The following SEMA3D variants were observed in gnomAD, a reference collection of about 807,000 sequenced individuals.
SEMA3D encodes semaphorin 3D, also known as semaphorin-3D.
SEMA3D carries 84 observed loss-of-function variants against 100.1 expected under a neutral mutation model. The observed-to-expected ratio is 0.84, with a 90% CI of 0.70 to 1.01. SEMA3D has a LOEUF of 1.01. Among genes scored for constraint, SEMA3D ranks in the 50% least tolerant of loss-of-function variants. The probability of loss-of-function intolerance (pLI) is 0.00; values close to 1 mark genes in which losing one functional copy is unlikely to be tolerated. For synonymous variants in SEMA3D, 312 were observed against 320.7 expected (o/e 0.97, Z 0.29); for missense variants, 875 against 934.1 (o/e 0.94, Z 0.82).
At chr7:85,107,317 G>C (rs1034384269) in intron 3 of SEMA3D, among the ~76,000 whole-genome samples, 2 of 151,972 alleles carry the variant, frequency 1.3e-5, no homozygotes, top group African/African-American at 4.8e-5. Flanking sequence ...CTTGCCCAAG[G>C]AGCATCATCT....
chr7:85,206,799 T>C, the SEMA3D span, among the ~76,000 whole-genome samples: 25 of 152,198 alleles, frequency 1.6e-4, 1 homozygote, highest in Middle Eastern at 3.4e-3. Context: ...TGCACAGTCA[T>C]TAAAGTGTGT....
rs916028737 is a variant in SEMA3D at position 85,042,188 on chromosome 7, G to T, written c.959C>A (p.Thr320Asn). Residue 320 changes from threonine to asparagine, a missense_variant, in exon 10 of 19, where the codon ACT (threonine) becomes AAT (asparagine). Transcript: ENST00000284136. ...GAACTTACGAAGCTCATCAAAGTAA[G>T]TATCTGCCCCATCACTTCCAGGAAT... Reference protein sequence around the residue: ...CSIPGSDGADTYFDELQDIYL... With the variant: ...CSIPGSDGADNYFDELQDIYL... 1 of 1,611,586 alleles carries T rather than the reference G, an allele frequency of 6.2e-7. No homozygotes were observed. The highest frequency in any genetic ancestry group is 8.5e-7 in the Non-Finnish European group (1 of 1,177,918).
intron 16 of SEMA3D, among the ~76,000 whole-genome samples, chr7:85,014,724 TAAGA>T (rs1181563541): frequency 1.3e-5 from 2 of 151,344 alleles, no homozygotes; most frequent in African/African-American, 2.4e-5. Flanking sequence ...TATTTAGAAA[TAAGA>T]AATAAGGAAG....
intron 12 of SEMA3D, chr7:85,029,115 C>G: frequency 1.7e-6 from 1 of 602,488 alleles, no homozygotes; most frequent in African/African-American, 1.8e-5. Flanking sequence ...CCTTCACTAC[C>G]TACTCTGACA....
intron 4 of SEMA3D, among the ~76,000 whole-genome samples, 159 bp from the exon 5 acceptor site, chr7:85,081,738 C>A (rs754236468): frequency 1.1e-4 from 16 of 152,158 alleles, no homozygotes; most frequent in Non-Finnish European, 2.2e-4. Flanking sequence ...TTTCCCAAAG[C>A]CACCCTGAAA....
intron 17 of SEMA3D, among the ~76,000 whole-genome samples, chr7:85,009,095 T>C (rs1037195719): frequency 4.0e-5 from 6 of 151,708 alleles, no homozygotes; most frequent in Non-Finnish European, 7.4e-5. Context: ...AAATTTTAAA[T>C]GTGTAAAAGT....
intron 4 of SEMA3D, among the ~76,000 whole-genome samples, chr7:85,088,403 G>T (rs1788286023): frequency 6.6e-6 from 1 of 152,144 alleles, no homozygotes; most frequent in African/African-American, 2.4e-5. Flanking sequence ...ACAACTGAAT[G>T]AGACACACAA....
chr7:85,117,800 GTA>G (rs1789287126), intron 3 of SEMA3D, among the ~76,000 whole-genome samples: 2 of 148,282 alleles, frequency 1.3e-5, no homozygotes, highest in Non-Finnish European at 3.0e-5. Flanking sequence ...ATGTATGTAT[GTA>G]TGTATGTATC....
chr7:85,236,436 T>G, the SEMA3D span, among the ~76,000 whole-genome samples: 1 of 151,690 alleles, frequency 6.6e-6, no homozygotes, highest in Non-Finnish European at 1.5e-5. Flanking sequence ...GCCTTCTGAG[T>G]AGCTGGGACT....
chr7:85,203,580 G>T, the SEMA3D span, among the ~76,000 whole-genome samples: 1 of 152,110 alleles, frequency 6.6e-6, no homozygotes, highest in East Asian at 1.9e-4. Flanking sequence ...AGGTTGCAAG[G>T]CGAGGCTATT....
intron 9 of SEMA3D, among the ~76,000 whole-genome samples, chr7:85,042,992 CTT>C (rs997461128): frequency 4.6e-5 from 7 of 152,136 alleles, no homozygotes; most frequent in African/African-American, 1.7e-4. Context: ...CAATATGTCT[CTT>C]TATAGGCTTA....
intron 4 of SEMA3D, among the ~76,000 whole-genome samples, chr7:85,095,628 C>G (rs1270846516): frequency 6.6e-6 from 1 of 152,000 alleles, no homozygotes; most frequent in Non-Finnish European, 1.5e-5. Context: ...CACTTATGTG[C>G]TACTGTGGAG....
chr7:85,249,564 T>C, the SEMA3D span, among the ~76,000 whole-genome samples: 1 of 152,150 alleles, frequency 6.6e-6, no homozygotes, highest in African/African-American at 2.4e-5. Context: ...AACTACCTTA[T>C]CCCTTGAAAA....
chr7:85,183,847 C>G (rs1252810845), intron 1 of SEMA3D, among the ~76,000 whole-genome samples: 1 of 152,110 alleles, frequency 6.6e-6, no homozygotes, highest in African/African-American at 2.4e-5. Context: ...CAAAAGTGAA[C>G]CAATGGTACT....
chr7:85,089,058 A>G (rs1583910999), intron 4 of SEMA3D, among the ~76,000 whole-genome samples: 1 of 152,276 alleles, frequency 6.6e-6, no homozygotes, highest in East Asian at 1.9e-4. Flanking sequence ...AATTAAATGC[A>G]GTGCAATCAG....
the SEMA3D span, among the ~76,000 whole-genome samples, chr7:85,229,888 T>C: frequency 6.6e-6 from 1 of 152,162 alleles, no homozygotes; most frequent in Non-Finnish European, 1.5e-5. Context: ...TTTTTAAATG[T>C]AAGTAAGCTC....
intron 3 of SEMA3D, among the ~76,000 whole-genome samples, chr7:85,113,032 C>T (rs1416298471): frequency 6.6e-6 from 1 of 152,078 alleles, no homozygotes; most frequent in Non-Finnish European, 1.5e-5. Flanking sequence ...ACATTACAGA[C>T]ACCAGTGATT....
intron 5 of SEMA3D, among the ~76,000 whole-genome samples, 164 bp from the exon 6 acceptor site, chr7:85,073,245 G>A (rs1285841548): frequency 2.6e-5 from 4 of 152,124 alleles, no homozygotes; most frequent in African/African-American, 9.7e-5. Context: ...AACGAGGCAA[G>A]ACAAATATAG....
intron 4 of SEMA3D, among the ~76,000 whole-genome samples, chr7:85,096,583 G>A (rs1265109867): frequency 6.6e-6 from 1 of 151,770 alleles, no homozygotes; most frequent in Non-Finnish European, 1.5e-5. Context: ...TATTAAGTAT[G>A]AGCCTTTATA....
Sources: gnomAD v4.1 joint callset for allele counts (sites outside exome capture counted in the v4.1 genomes callset) on GRCh38, gnomAD v4.1.1 for gene constraint, MANE v1.5 for transcripts, NCBI Gene and HGNC (gene_info 2026-07-23, HGNC 2026-07-21) for gene names.